Variants in ANPEP observed in about 807,000 individuals in gnomAD.
ANPEP encodes the protein aminopeptidase N.
A neutral mutation model predicts 114.6 loss-of-function variants in ANPEP; 70 were observed. The observed-to-expected ratio is 0.61, with a 90% confidence interval of 0.50 to 0.75. The LOEUF (loss-of-function observed/expected upper bound fraction) is 0.75. ANPEP is among the 30% of genes least tolerant of loss of function. ANPEP has a pLI of 0.00. For synonymous variants in ANPEP, 548 were observed against 522.3 expected, an observed-to-expected ratio of 1.05 and a Z score of -0.67; for missense variants, 1,184 against 1,259.5, an observed-to-expected ratio of 0.94 and a Z score of 0.91.
At chr15:89,790,657 G>A (rs555994765) in intron 19 of ANPEP, 116 bp from the exon 20 acceptor site, 10 of 949,986 alleles carry the variant, frequency 1.1e-5, no homozygotes, top group Non-Finnish European at 1.5e-5. Context: ...CACGCCCTGG[G>A]AGACCCCACT....
At position 89,801,591 on chromosome 15, in the gene ANPEP, G is replaced by T; in HGVS notation, c.1586C>A (p.Ser529Tyr). The T allele has an allele frequency of 1.9e-6, 3 of 1,613,932 alleles. No individual in the cohort carries two copies. Among genetic ancestry groups the T allele is most frequent in the Non-Finnish European group, 2.5e-6 (3 of 1,179,868 alleles). Residue 529 changes from serine to tyrosine, a missense_variant, in exon 11 of 21, where the codon TCC (serine) becomes TAC (tyrosine). Physicochemically the swap from Ser to Tyr is moderately radical, Grantham distance 144. Transcript: ENST00000300060. ...DHLQEAVNNR[S>Y]IQLPTTVRDI... ...CCGCACGGTGGTGGGGAGTTGGATGGACCGGTTGTTCACAGCCTGTGGGTG... is the reference window on the plus strand; with the variant it reads ...CCGCACGGTGGTGGGGAGTTGGATGTACCGGTTGTTCACAGCCTGTGGGTG...
intron 20 of ANPEP, among the ~76,000 whole-genome samples, chr15:89,786,830 A>C (rs1968515854): frequency 6.6e-6 from 1 of 152,128 alleles, no homozygotes. Flanking sequence ...GAATCCAAAA[A>C]CAAACCCTTA....
At chr15:89,800,730 T>A (rs1894571572) in intron 12 of ANPEP, among the ~76,000 whole-genome samples, 1 of 151,778 alleles carries the variant, frequency 6.6e-6, no homozygotes, top group South Asian at 2.1e-4. Context: ...CCTGGCTAAT[T>A]TTGTATTTTT....
At chr15:89,804,683 C>A in intron 4 of ANPEP, 66 bp from the exon 5 acceptor site, 1 of 1,580,620 alleles carries the variant, frequency 6.3e-7, no homozygotes, top group Non-Finnish European at 8.6e-7. Context: ...TGGGCTGGGT[C>A]CCAGGGCCCA....
intron 18 of ANPEP, among the ~76,000 whole-genome samples, chr15:89,791,331 T>C (rs1239268567): frequency 1.3e-5 from 2 of 152,176 alleles, no homozygotes; most frequent in Admixed American, 1.3e-4. Flanking sequence ...TATTTGACAA[T>C]GAATCAATGA....
At chr15:89,811,171 C>T (rs1894809027) in intron 1 of ANPEP, among the ~76,000 whole-genome samples, 1 of 152,258 alleles carries the variant, frequency 6.6e-6, no homozygotes, top group Non-Finnish European at 1.5e-5. Flanking sequence ...GTTCCACCCT[C>T]TCTACCCGAC....
At chr15:89,813,917 G>A (rs925488283) in intron 1 of ANPEP, among the ~76,000 whole-genome samples, 2 of 152,094 alleles carry the variant, frequency 1.3e-5, no homozygotes, top group Non-Finnish European at 1.5e-5. Flanking sequence ...GGGCTGAGGT[G>A]GGGGAGGAGT....
Position 89,806,614 on chromosome 15 carries a change from T to C in ANPEP, c.-31A>G. On this transcript the variant is annotated 5_prime_UTR_variant, in exon 2 of 21. Transcript: ENST00000300060. This position sits in a 1 kb window ranked among gnomAD's most constrained non-coding sequence, Gnocchi z 5.7. ...TGGTGGGGAGGCGGCTCAGGGAGCCTCAGGCCAGGCAGAGAACGGAGCAGC... is the reference window on the plus strand; with the variant it reads ...TGGTGGGGAGGCGGCTCAGGGAGCCCCAGGCCAGGCAGAGAACGGAGCAGC... The C allele has an allele frequency of 6.5e-7, 1 of 1,545,028 alleles. No homozygotes were observed. Among genetic ancestry groups the C allele is most frequent in the Non-Finnish European group, 8.7e-7 (1 of 1,143,464 alleles).
intron 19 of ANPEP, 136 bp from the exon 20 acceptor site, chr15:89,790,677 G>A: frequency 1.2e-6 from 1 of 830,436 alleles, no homozygotes; most frequent in South Asian, 1.6e-5. Context: ...TAGGATGTGG[G>A]GGAGTCACAG....
chr15:89,809,706 C>T (rs1216072908), intron 1 of ANPEP, among the ~76,000 whole-genome samples: 2 of 152,240 alleles, frequency 1.3e-5, no homozygotes, highest in African/African-American at 2.4e-5. Context: ...CACCAGCACA[C>T]GTCAGCAGAG....
Position 89,797,623 on chromosome 15 carries a change from G to T in ANPEP, c.2109C>A (p.Ser703Arg). The T allele has an allele frequency of 6.2e-7, 1 of 1,614,174 alleles. No individual in the cohort carries two copies. Among genetic ancestry groups the T allele is most frequent in the Non-Finnish European group, 8.5e-7 (1 of 1,180,022 alleles). The change falls in exon 15 of 21, where the codon AGC becomes AGA. Residue 703 changes from serine to arginine, a missense_variant. Ser to Arg is a moderately radical substitution (Grantham distance 110). Transcript: ENST00000300060. ...AGCGGTCAAACATGAGCTTGAAGTA[G>T]CTCAGGCTGCTCAGGGCGGCCTCCC... Reference protein sequence around the residue: ...MPWEAALSSLSYFKLMFDRSE... With the variant: ...MPWEAALSSLRYFKLMFDRSE...
chr15:89,799,125 C>G lies in ANPEP; in HGVS notation c.2009+135G>C. 1 of 988,324 alleles carries G rather than the reference C, an allele frequency of 1.0e-6. No homozygotes were observed. Among genetic ancestry groups the G allele is most frequent in the South Asian group, 1.4e-5 (1 of 69,026 alleles). 61.2% of individuals were successfully genotyped at this position (988,324 alleles called of 1,614,324 possible). A position where few individuals can be genotyped will look rare whatever the true frequency, so the allele number is the denominator to read the frequency against. ...GTGTGGGGACCCAGGGAGGGACGTCCAGGGAGCACAGGAGCTCAGGGCACA... is the reference window on the plus strand; with the variant it reads ...GTGTGGGGACCCAGGGAGGGACGTCGAGGGAGCACAGGAGCTCAGGGCACA... On this transcript the variant is annotated intron_variant, in intron 14 of 20. Transcript: ENST00000300060. The surrounding 1 kb of genome is among the most constrained non-coding windows in gnomAD (Gnocchi z 4.2).
intron 1 of ANPEP, among the ~76,000 whole-genome samples, chr15:89,811,948 G>C (rs931341040): frequency 6.6e-6 from 1 of 152,218 alleles, no homozygotes; most frequent in Non-Finnish European, 1.5e-5. Flanking sequence ...TCCAGAAAAC[G>C]TAAGTTCTTC....
In ANPEP at chr15:89,805,440, T is replaced by C; in HGVS notation, c.638A>G (p.Gln213Arg). Residue 213 changes from glutamine (Q) to arginine (R), a missense_variant, in exon 3 of 21, where the codon CAG (glutamine) becomes CGG (arginine). Transcript: ENST00000300060. Reference sequence around the variant, plus strand: ...GAAGGACTTCCGGGCATCTGCAGCCTGCATCTGTGTAGTGGCCACCACCCT... The same window carrying C: ...GAAGGACTTCCGGGCATCTGCAGCCCGCATCTGTGTAGTGGCCACCACCCT... Reference protein sequence around the residue: ...VRKVVATTQMQAADARKSFPC... With the variant: ...VRKVVATTQMRAADARKSFPC... 6.2e-7 allele frequency: 1 copy of C among 1,614,144 alleles called. No homozygotes were observed. Among genetic ancestry groups the C allele is most frequent in the Non-Finnish European group, 8.5e-7 (1 of 1,179,998 alleles).
rs751893028 is a variant in ANPEP, at chr15:89,793,090, G to A, written c.2194C>T (p.His732Tyr). Residue 732 changes from histidine (H) to tyrosine (Y), a missense_variant, in exon 16 of 21, where the codon CAC becomes TAC. His to Tyr is a moderately conservative substitution (Grantham distance 83). Transcript: ENST00000300060. ...LKKQVTPLFI[H>Y]FRNNTNNWRE... The stretch of plus-strand genomic sequence containing the variant: ...CAGTTGTTGGTATTATTTCTGAAGT[G>A]AATGAAGAGGGGTGTGACCTGCTTC... 5.6e-6 allele frequency: 9 copies of A among 1,614,026 alleles called. No homozygotes were observed. Among genetic ancestry groups the A allele is most frequent in the Non-Finnish European group, 7.6e-6 (9 of 1,179,974 alleles).
At position 89,801,546 on chromosome 15, in the gene ANPEP, G is replaced by A. The variant is rs780838171; in HGVS notation, c.1631C>T (p.Thr544Ile). 1.2e-6 allele frequency: 2 copies of A among 1,614,064 alleles called. No homozygotes were observed. Among genetic ancestry groups the A allele is most frequent in the Non-Finnish European group, 1.7e-6 (2 of 1,180,014 alleles). Residue 544 changes from threonine (T) to isoleucine (I), a missense_variant, in exon 11 of 21, where the codon ACC becomes ATC. Thr to Ile is a moderately conservative substitution (Grantham distance 89). Coordinates refer to ENST00000300060, the MANE Select transcript of ANPEP (RefSeq NM_001150.3). ...GATGACCGGGAAGCCCATCTGCAGG[G>A]TCCAGCGGTTCATGATGTCCCGCAC... ...TTVRDIMNRW[T>I]LQMGFPVITV... is the part of the protein sequence containing the mutation.
At chr15:89,809,412 T>C (rs1894780145) in intron 1 of ANPEP, among the ~76,000 whole-genome samples, 2 of 152,254 alleles carry the variant, frequency 1.3e-5, no homozygotes, top group South Asian at 2.1e-4. Flanking sequence ...ATTCAGACCA[T>C]AGGCCCAGCT....
chr15:89,801,166 G>A lies in ANPEP; in HGVS notation c.1764C>T (p.Ile588=), dbSNP rs753025886. 1.4e-5 allele frequency: 23 copies of A among 1,614,018 alleles called. No individual in the cohort carries two copies. The South Asian group carries it at 2.3e-4, about 16-fold the overall frequency. ...SEFNYVWIVP[I]TSIRDGRQQQ... The stretch of plus-strand genomic sequence containing the variant: ...GCTGTCTGCCATCTCTGATGGATGT[G>A]ATGGGCACAATCCACACGTAGCTGC... Residue 588 remains isoleucine, a synonymous_variant, in exon 12 of 21, where the codon ATC becomes ATT. Transcript: ENST00000300060.
chr15:89,807,509 G>T (rs1410816212), intron 1 of ANPEP, among the ~76,000 whole-genome samples: 2 of 152,164 alleles, frequency 1.3e-5, no homozygotes, highest in Non-Finnish European at 2.9e-5. Flanking sequence ...GACCAGCCTG[G>T]CCAACATGGC....
Sources: allele counts gnomAD v4.1 joint callset (sites outside exome capture counted in the v4.1 genomes callset), GRCh38; gene constraint gnomAD v4.1.1; non-coding constraint Gnocchi (gnomAD v3.1); transcripts MANE v1.5; gene names NCBI Gene and HGNC (gene_info 2026-07-23, HGNC 2026-07-21).